CDH3: variants seen among roughly 807,000 people sequenced by gnomAD.
CDH3 encodes cadherin 3, also known as cadherin-3.
A neutral mutation model predicts 82.0 loss-of-function variants in CDH3; 54 were observed. That is an observed-to-expected ratio of 0.66 (90% CI 0.53 to 0.83). CDH3 has a LOEUF of 0.83. Among genes scored for constraint, CDH3 ranks in the 40% least tolerant of loss-of-function variants. The pLI is 0.00. For synonymous variants in CDH3, 446 were observed against 437.9 expected, an observed-to-expected ratio of 1.02 and a Z score of -0.23; for missense variants, 1,054 against 1,084.6, an observed-to-expected ratio of 0.97 and a Z score of 0.40.
Position 68,657,113 on chromosome 16 carries a change from C to T in CDH3, c.160+11363C>T, listed in dbSNP as rs148525736. Among the ~76,000 whole-genome samples the T allele has an allele frequency of 2.2e-4, 34 of 152,310 alleles. 1 individual carries two copies. The East Asian group carries it at 6.4e-3, about 29-fold the overall frequency. On this transcript the variant is annotated intron_variant, in intron 2 of 15. Transcript: ENST00000264012. ...AGCATCAGAGGTCTGCAAATTCCTC[C>T]AGCTGACAGAATTCCCTCCAGGCTG...
chr16:68,662,603 G>A (rs1275341822), intron 2 of CDH3, among the ~76,000 whole-genome samples: 11 of 147,698 alleles, frequency 7.4e-5, no homozygotes, highest in Middle Eastern at 3.5e-3. Flanking sequence ...GCTAGAGTGC[G>A]GTGGCACGAT....
chr16:68,704,859 C>A (rs1269643526), downstream of CDH3, among the ~76,000 whole-genome samples: 1 of 152,196 alleles, frequency 6.6e-6, no homozygotes. Flanking sequence ...AGTTCCAGAC[C>A]AGCCTGGGCA....
intron 1 of CDH3, 42 bp downstream of exon 1, chr16:68,645,466 C>T (rs767748874): frequency 6.2e-7 from 1 of 1,606,328 alleles, no homozygotes; most frequent in South Asian, 1.1e-5. Context: ...GGACCGCTCC[C>T]TGGGGGGCGG....
intron 2 of CDH3, 59 bp from the exon 3 acceptor site, chr16:68,676,326 T>A (rs1471692324): frequency 2.4e-6 from 3 of 1,272,978 alleles, no homozygotes; most frequent in Non-Finnish European, 3.4e-6. Context: ...CTTGTTTTCC[T>A]GGGGCAACTT....
chr16:68,720,027 C>G (rs1962143713), intron 1 of CDH3, among the ~76,000 whole-genome samples: 1 of 152,000 alleles, frequency 6.6e-6, no homozygotes, highest in Non-Finnish European at 1.5e-5. Context: ...TGGTGGCATG[C>G]CCACCTGTGG....
intron 12 of CDH3, among the ~76,000 whole-genome samples, chr16:68,690,644 C>T (rs889183655): frequency 6.6e-6 from 1 of 151,422 alleles, no homozygotes; most frequent in African/African-American, 2.4e-5. Context: ...CACCGTGGCT[C>T]ACGCCTGTAA....
chr16:68,707,418 G>A lies in CDH3; in HGVS notation c.99+11495G>A, dbSNP rs901754721. Among the ~76,000 whole-genome samples the A allele has an allele frequency of 1.3e-5, 2 of 152,216 alleles. No individual in the cohort carries two copies. Among genetic ancestry groups the A allele is most frequent in the Non-Finnish European group, 2.9e-5 (2 of 68,034 alleles). On this transcript the variant is annotated intron_variant, in intron 1 of 2. Coordinates refer to the CDH3 transcript ENST00000569080. This position sits in a 1 kb window ranked among gnomAD's most constrained non-coding sequence, Gnocchi z 4.5. ...TCCATCCCGGGGCTGGCAGAACCTG[G>A]TTCCTCCTCTGCTGTATCCTCAGTC...
intron 1 of CDH3, among the ~76,000 whole-genome samples, chr16:68,722,140 G>C (rs534729222): frequency 6.6e-6 from 1 of 152,294 alleles, no homozygotes; most frequent in Non-Finnish European, 1.5e-5. Context: ...GCTCTGGGTT[G>C]TAAATCCTTG....
intron 2 of CDH3, among the ~76,000 whole-genome samples, chr16:68,676,074 G>T (rs1030132486): frequency 7.9e-5 from 12 of 152,182 alleles, no homozygotes; most frequent in Admixed American, 2.6e-4. Flanking sequence ...TCAACCCCAT[G>T]TCACATGAGG....
intron 2 of CDH3, among the ~76,000 whole-genome samples, chr16:68,662,201 A>T (rs1477393033): frequency 1.3e-5 from 2 of 152,200 alleles, no homozygotes; most frequent in African/African-American, 2.4e-5. Flanking sequence ...ACACTGTTCC[A>T]GACAGAGGGA....
At chr16:68,694,613 A>C (rs1037164267) in intron 13 of CDH3, among the ~76,000 whole-genome samples, 13 of 86,322 alleles carry the variant, frequency 1.5e-4, no homozygotes, top group African/African-American at 5.3e-4. Context: ...CAAGAGTGAG[A>C]CTCTGTCTCA....
chr16:68,671,009 G>T (rs1181699456), intron 2 of CDH3, among the ~76,000 whole-genome samples: 3 of 152,114 alleles, frequency 2.0e-5, no homozygotes, highest in Admixed American at 2.0e-4. Context: ...GGAGGTGGAG[G>T]TTGCAGTAAG....
chr16:68,695,007 G>C (rs1185863226), intron 13 of CDH3, among the ~76,000 whole-genome samples: 1 of 152,174 alleles, frequency 6.6e-6, no homozygotes, highest in Non-Finnish European at 1.5e-5. Flanking sequence ...GGTATTCAAG[G>C]AACACAGAGG....
chr16:68,682,540 C>T, intron 9 of CDH3, 53 bp downstream of exon 9: 2 of 1,552,680 alleles, frequency 1.3e-6, no homozygotes, highest in Non-Finnish European at 1.8e-6. Flanking sequence ...GTCAGGTCTG[C>T]AGCCTTCAGG....
intron 2 of CDH3, among the ~76,000 whole-genome samples, chr16:68,648,326 T>A (rs749603019): frequency 1.3e-5 from 2 of 152,206 alleles, no homozygotes; most frequent in Non-Finnish European, 2.9e-5. Flanking sequence ...TGAATGAATT[T>A]GACAACCTTG....
chr16:68,666,479 C>T (rs1266977812), intron 2 of CDH3, among the ~76,000 whole-genome samples: 1 of 152,140 alleles, frequency 6.6e-6, no homozygotes, highest in African/African-American at 2.4e-5. Flanking sequence ...ATCCAGGAGC[C>T]CCAAGGCCTC....
At chr16:68,708,506 G>A (rs1055752063) in intron 1 of CDH3, among the ~76,000 whole-genome samples, 4 of 152,098 alleles carry the variant, frequency 2.6e-5, no homozygotes, top group African/African-American at 9.7e-5. Context: ...ACGTCCTTCA[G>A]GCATCACCCA....
chr16:68,732,955 G>T, the CDH3 span, among the ~76,000 whole-genome samples: 1 of 151,080 alleles, frequency 6.6e-6, no homozygotes, highest in African/African-American at 2.4e-5. Context: ...AGTGGCGGGG[G>T]TGGGGGAAGG....
intron 13 of CDH3, among the ~76,000 whole-genome samples, chr16:68,692,825 C>T (rs1032907071): frequency 3.3e-5 from 5 of 152,218 alleles, no homozygotes; most frequent in Admixed American, 2.6e-4. Context: ...ATGCTCTTTG[C>T]TGGGCGCAGT....
Sources: allele counts gnomAD v4.1 joint callset (sites outside exome capture counted in the v4.1 genomes callset), GRCh38; gene constraint gnomAD v4.1.1; non-coding constraint Gnocchi (gnomAD v3.1); transcripts MANE v1.5; gene names NCBI Gene and HGNC (gene_info 2026-07-23, HGNC 2026-07-21).